The following GREM2 variants were observed in gnomAD, a reference collection of about 807,000 sequenced individuals.
GREM2 encodes the protein gremlin-2.
In GREM2, 11 loss-of-function variants were observed where a neutral mutation model predicts 14.2. The observed-to-expected ratio is 0.78, with a 90% CI of 0.49 to 1.28. GREM2 has a LOEUF of 1.28. Among genes scored for constraint, GREM2 ranks in the 50% most tolerant of loss-of-function variants. The pLI, the probability that GREM2 is intolerant of heterozygous loss-of-function variation, is 0.00. For missense variants in GREM2, 210 were observed against 218.5 expected (o/e 0.96, Z 0.24); for synonymous variants, 98 against 97.6 (o/e 1.00, Z -0.02).
At chr1:240,509,629 G>A (rs933481569) in intron 1 of GREM2, among the ~76,000 whole-genome samples, 6 of 151,932 alleles carry the variant, frequency 3.9e-5, no homozygotes, top group Non-Finnish European at 7.4e-5. Flanking sequence ...CAGCCTCCCA[G>A]TGTGCTGGGA....
intron 1 of GREM2, among the ~76,000 whole-genome samples, chr1:240,596,950 A>G (rs1256516724): frequency 1.3e-5 from 2 of 151,964 alleles, no homozygotes; most frequent in Non-Finnish European, 2.9e-5. Context: ...CATTCTGGCC[A>G]GTGCACAAGT....
chr1:240,530,804 G>A (rs1678338592), intron 1 of GREM2: 1 of 152,168 alleles, frequency 6.6e-6, no homozygotes, highest in South Asian at 2.1e-4. Context: ...ATTTTTCCTT[G>A]AATCTAAAGG....
intron 1 of GREM2, among the ~76,000 whole-genome samples, chr1:240,529,724 T>C (rs941919974): frequency 6.6e-6 from 1 of 152,314 alleles, no homozygotes. Flanking sequence ...ATTAGTGCTA[T>C]AAGTTGCCCT....
chr1:240,562,935 TGA>T (rs879256866), intron 1 of GREM2, among the ~76,000 whole-genome samples: 36 of 143,972 alleles, frequency 2.5e-4, no homozygotes, highest in African/African-American at 5.7e-4. Flanking sequence ...TGTATGTGTG[TGA>T]GTGTGTGAGT....
intron 1 of GREM2, among the ~76,000 whole-genome samples, chr1:240,527,382 T>G (rs1392882655): frequency 6.6e-6 from 1 of 152,236 alleles, no homozygotes; most frequent in Non-Finnish European, 1.5e-5. Context: ...ATCATTAAAG[T>G]AGATTAGTAT....
rs1324404773 is a variant in GREM2, at chr1:240,491,517, C to T, written c.*1452G>A. On this transcript the variant is annotated 3_prime_UTR_variant, in exon 2 of 2. Coordinates refer to ENST00000318160, the MANE Select transcript of GREM2 (RefSeq NM_022469.4). ...TCTACTTCCGTATATCAAGAGACCA[C>T]AGCATGGAAACGTCAACAATTCATT... The T allele has an allele frequency of 6.6e-6, 1 of 152,556 alleles. No homozygotes were observed. Among genetic ancestry groups the T allele is most frequent in the Non-Finnish European group, 1.5e-5 (1 of 68,032 alleles). 9.5% of individuals were successfully genotyped at this position (152,556 alleles called of 1,614,324 possible).
chr1:240,612,040 C>T lies in GREM2; in HGVS notation c.-158G>A, dbSNP rs1445266304. On this transcript the variant is annotated 5_prime_UTR_variant, in exon 1 of 2. Transcript: ENST00000318160. Reference sequence around the variant, plus strand: ...GACCGCAGCCAGACTGCAGCAGACGCCCATAAGAGAAGCGCGCCGGCTGAG... The same window carrying T: ...GACCGCAGCCAGACTGCAGCAGACGTCCATAAGAGAAGCGCGCCGGCTGAG... 2 of 152,758 alleles carry T rather than the reference C, an allele frequency of 1.3e-5. No homozygotes were observed. Among genetic ancestry groups the T allele is most frequent in the African/African-American group, 2.4e-5 (1 of 41,474 alleles). 9.5% of individuals were successfully genotyped at this position (152,758 alleles called of 1,614,324 possible). A position where few individuals can be genotyped will look rare whatever the true frequency, so the allele number is the denominator to read the frequency against.
chr1:240,572,797 T>C (rs1679284575), intron 1 of GREM2, among the ~76,000 whole-genome samples: 1 of 152,178 alleles, frequency 6.6e-6, no homozygotes, highest in African/African-American at 2.4e-5. Context: ...TCCATTGGAT[T>C]AAGCACTTGT....
chr1:240,544,349 A>G (rs537034039), intron 1 of GREM2, among the ~76,000 whole-genome samples: 60 of 151,990 alleles, frequency 3.9e-4, no homozygotes, highest in Middle Eastern at 6.8e-3. Context: ...GGGTTTCACC[A>G]TGTTAGCCAG....
intron 1 of GREM2, among the ~76,000 whole-genome samples, chr1:240,565,801 G>A (rs1419206192): frequency 6.8e-6 from 1 of 147,002 alleles, no homozygotes; most frequent in Non-Finnish European, 1.5e-5. Flanking sequence ...AGCCAAGATC[G>A]CACCACTGCA....
intron 1 of GREM2, among the ~76,000 whole-genome samples, chr1:240,508,453 C>T (rs1209227612): frequency 2.6e-5 from 4 of 152,130 alleles, no homozygotes; most frequent in South Asian, 2.1e-4. Flanking sequence ...CACATGTGCT[C>T]GTGCTGTTTC....
In GREM2 at chr1:240,607,872, A is replaced by T. The variant is rs1306782621; in HGVS notation, c.-2+4012T>A. ...GTTATTGTTTTTGCATATGTGAATA[A>T]CTGGCAGGAATTAAATGCAAGAATG... is the stretch of plus-strand genomic sequence containing the variant. On this transcript the variant is annotated intron_variant, in intron 1 of 1. Coordinates refer to ENST00000318160, the MANE Select transcript of GREM2 (RefSeq NM_022469.4). Among the ~76,000 whole-genome samples the T allele has an allele frequency of 2.0e-5, 3 of 152,244 alleles. No homozygotes were observed. In the East Asian group the frequency reaches 5.8e-4, roughly 29 times the overall value.
intron 1 of GREM2, among the ~76,000 whole-genome samples, chr1:240,512,925 A>G (rs1416722783): frequency 2.6e-5 from 4 of 152,214 alleles, no homozygotes; most frequent in African/African-American, 9.6e-5. Context: ...TTCTCAACAC[A>G]TACTTATTGT....
At chr1:240,518,008 A>T in intron 1 of GREM2, among the ~76,000 whole-genome samples, 1 of 152,158 alleles carries the variant, frequency 6.6e-6, no homozygotes, top group Admixed American at 6.6e-5. Flanking sequence ...TCCTACATAG[A>T]CCCACTGCCT....
intron 1 of GREM2, among the ~76,000 whole-genome samples, chr1:240,536,670 G>GCT (rs1558153629): frequency 7.8e-6 from 1 of 127,840 alleles, no homozygotes; most frequent in African/African-American, 3.0e-5. Context: ...GCCATCTGTA[G>GCT]AGTTTAAGAC....
intron 1 of GREM2, among the ~76,000 whole-genome samples, chr1:240,601,713 C>T (rs766093102): frequency 1.3e-5 from 2 of 152,050 alleles, no homozygotes; most frequent in Non-Finnish European, 2.9e-5. Context: ...TCGAGACCAG[C>T]CTGGCCAACA....
intron 1 of GREM2, among the ~76,000 whole-genome samples, chr1:240,508,222 T>C (rs902338581): frequency 6.6e-6 from 1 of 152,192 alleles, no homozygotes; most frequent in Admixed American, 6.5e-5. Context: ...CCTGGACACA[T>C]AGTAGATGAC....
chr1:240,607,909 CA>C (rs553657848), intron 1 of GREM2, among the ~76,000 whole-genome samples: 231 of 152,206 alleles, frequency 1.5e-3, no homozygotes, highest in African/African-American at 5.2e-3. Flanking sequence ...GTGAAATAAA[CA>C]CAAGAATGTA....
chr1:240,509,485 C>A (rs1677755174), intron 1 of GREM2, among the ~76,000 whole-genome samples: 1 of 151,568 alleles, frequency 6.6e-6, no homozygotes, highest in Admixed American at 6.6e-5. Context: ...TCTCCTGCCT[C>A]AGCCTCCCGA....
Sources: gnomAD v4.1 joint callset for allele counts (sites outside exome capture counted in the v4.1 genomes callset) on GRCh38, gnomAD v4.1.1 for gene constraint, MANE v1.5 for transcripts, NCBI Gene and HGNC (gene_info 2026-07-23, HGNC 2026-07-21) for gene names.